Variants in PHF21B observed in about 807,000 individuals in gnomAD.
PHF21B encodes the protein PHD finger protein 21B, also known as PHD finger protein 4.
A neutral mutation model predicts 62.2 loss-of-function variants in PHF21B; 22 were observed. The observed-to-expected ratio is 0.35, with a 90% CI of 0.25 to 0.51. PHF21B has a LOEUF of 0.51. PHF21B is among the 20% of genes least tolerant of loss of function. The probability of loss-of-function intolerance (pLI) is 0.97; values close to 1 mark genes in which losing one functional copy is unlikely to be tolerated. For missense variants in PHF21B, 701 were observed against 707.9 expected (o/e 0.99, Z 0.11); for synonymous variants, 341 against 314.7 (o/e 1.08, Z -0.88).
intron 2 of PHF21B, among the ~76,000 whole-genome samples, chr22:44,985,409 C>T (rs1304812946): frequency 6.6e-6 from 1 of 151,992 alleles, no homozygotes; most frequent in East Asian, 1.9e-4. Flanking sequence ...GAAGTCAAGG[C>T]CCAGCCTAGG....
intron 2 of PHF21B, among the ~76,000 whole-genome samples, chr22:44,950,080 T>G (rs1296942185): frequency 6.6e-6 from 1 of 152,200 alleles, no homozygotes; most frequent in Admixed American, 6.5e-5. Flanking sequence ...TCTCCGTCCA[T>G]GCACAGACCA....
chr22:44,954,414 A>G (rs1384255791), intron 2 of PHF21B, among the ~76,000 whole-genome samples: 1 of 152,154 alleles, frequency 6.6e-6, no homozygotes, highest in East Asian at 1.9e-4. Flanking sequence ...CTGGTGCCCA[A>G]TGCCACATCT....
chr22:44,906,195 G>C (rs1219342786), intron 5 of PHF21B, among the ~76,000 whole-genome samples: 1 of 152,202 alleles, frequency 6.6e-6, no homozygotes, highest in Non-Finnish European at 1.5e-5. Context: ...ACTGTATCTG[G>C]GGTTGCTGTG....
intron 5 of PHF21B, among the ~76,000 whole-genome samples, chr22:44,899,498 C>T (rs529011452): frequency 6.6e-6 from 1 of 152,046 alleles, no homozygotes; most frequent in South Asian, 2.1e-4. Context: ...ACCATGTTGG[C>T]CAGGCTGGTC....
chr22:44,947,094 G>A (rs2072089007), intron 2 of PHF21B, among the ~76,000 whole-genome samples: 1 of 152,236 alleles, frequency 6.6e-6, no homozygotes, highest in Non-Finnish European at 1.5e-5. Flanking sequence ...TTAAGCAAGT[G>A]GTCCAAGATC....
intron 2 of PHF21B, among the ~76,000 whole-genome samples, chr22:44,963,163 C>T (rs1336605939): frequency 6.6e-6 from 1 of 152,258 alleles, no homozygotes; most frequent in African/African-American, 2.4e-5. Context: ...ACTCCCTGCT[C>T]TCCCTTCTGG....
intron 2 of PHF21B, among the ~76,000 whole-genome samples, chr22:44,974,383 C>T (rs987456343): frequency 1.3e-4 from 20 of 151,126 alleles, no homozygotes; most frequent in African/African-American, 4.9e-4. Context: ...CACTGCACTC[C>T]AGCCTGGGCG....
intron 6 of PHF21B, among the ~76,000 whole-genome samples, chr22:44,894,804 T>G (rs1049475671): frequency 6.6e-6 from 1 of 152,152 alleles, no homozygotes; most frequent in African/African-American, 2.4e-5. Context: ...GGGAGAGGGC[T>G]GTCTTCTCGG....
At chr22:44,910,254 A>G (rs1195832404) in intron 5 of PHF21B, among the ~76,000 whole-genome samples, 3 of 152,296 alleles carry the variant, frequency 2.0e-5, no homozygotes, top group Admixed American at 6.5e-5. Flanking sequence ...TCTCAACTCA[A>G]TCTTGTGGAA....
intron 5 of PHF21B, among the ~76,000 whole-genome samples, chr22:44,907,947 G>T (rs146112861): frequency 1.3e-5 from 2 of 152,166 alleles, no homozygotes; most frequent in African/African-American, 4.8e-5. Flanking sequence ...AGGGGCGCTG[G>T]GGGGGTGAGG....
intron 5 of PHF21B, 82 bp from the exon 6 acceptor site, chr22:44,896,165 G>C: frequency 6.6e-7 from 1 of 1,508,860 alleles, no homozygotes; most frequent in Non-Finnish European, 9.2e-7. Flanking sequence ...GCTGTGGCAG[G>C]TGCAGGGCGA....
intron 2 of PHF21B, among the ~76,000 whole-genome samples, chr22:44,963,180 A>C (rs2072458771): frequency 6.6e-6 from 1 of 152,206 alleles, no homozygotes; most frequent in Non-Finnish European, 1.5e-5. Context: ...CTGGGAACAG[A>C]GGGGAAACCT....
intron 2 of PHF21B, among the ~76,000 whole-genome samples, chr22:44,921,697 T>C (rs1196784603): frequency 6.6e-6 from 1 of 150,420 alleles, no homozygotes; most frequent in Non-Finnish European, 1.5e-5. Flanking sequence ...CTCGCTCTGT[T>C]GCCCAGGTTG....
At chr22:44,939,911 T>C (rs535966805) in intron 2 of PHF21B, among the ~76,000 whole-genome samples, 2 of 151,964 alleles carry the variant, frequency 1.3e-5, no homozygotes, top group East Asian at 1.9e-4. Context: ...GAGTAAGACA[T>C]GGTTGGGCTC....
At chr22:44,883,788 T>C (rs2070779653) in intron 12 of PHF21B, among the ~76,000 whole-genome samples, 1 of 143,902 alleles carries the variant, frequency 6.9e-6, no homozygotes, top group Non-Finnish European at 1.6e-5. Flanking sequence ...CTGGGTGAAA[T>C]ACTGCTTGGG....
At chr22:44,899,285 CTTTTTTTTTTTTT>C (rs71188499) in intron 5 of PHF21B, among the ~76,000 whole-genome samples, 3 of 97,560 alleles carry the variant, frequency 3.1e-5, no homozygotes, top group African/African-American at 1.1e-4. Context: ...TGTTCTTATT[CTTTTTTTTTTTTT>C]TTTTTTTTTG....
rs902328976 is a variant in PHF21B, at chr22:44,938,448, G to A, written c.121-17958C>T. ...AGGGTTTCTCCATGTTGGCCAGGCT[G>A]GTATCAACTCCTGATCTCAAGTGGT... On this transcript the variant is annotated intron_variant, in intron 2 of 12. Transcript: ENST00000313237. 5.9e-5 allele frequency among the ~76,000 whole-genome samples: 9 copies of A among 152,356 alleles called. 1 individual carries two copies.
intron 2 of PHF21B, among the ~76,000 whole-genome samples, chr22:44,941,979 G>A (rs1424058489): frequency 6.6e-6 from 1 of 152,166 alleles, no homozygotes; most frequent in African/African-American, 2.4e-5. Flanking sequence ...CTTCCCAGAG[G>A]AGATGACAAT....
At chr22:44,912,222 C>T (rs768402978) in intron 5 of PHF21B, among the ~76,000 whole-genome samples, 9 of 152,172 alleles carry the variant, frequency 5.9e-5, no homozygotes, top group Admixed American at 2.6e-4. Context: ...TGCCTTGTCT[C>T]GGATGAGACT....
Sources: gnomAD v4.1 joint callset for allele counts (sites outside exome capture counted in the v4.1 genomes callset) on GRCh38, gnomAD v4.1.1 for gene constraint, MANE v1.5 for transcripts, NCBI Gene and HGNC (gene_info 2026-07-23, HGNC 2026-07-21) for gene names.